SLC16A7: variants seen among roughly 807,000 people sequenced by gnomAD.
SLC16A7 encodes solute carrier family 16 member 7.
SLC16A7 carries 33 observed loss-of-function variants against 34.9 expected under a neutral mutation model. That is an observed-to-expected ratio of 0.94 (90% confidence interval 0.72 to 1.26). The LOEUF (loss-of-function observed/expected upper bound fraction) is 1.26. Ranked by LOEUF, SLC16A7 falls within the 50% of genes most tolerant of loss-of-function variation. The pLI, the probability that SLC16A7 is intolerant of heterozygous loss-of-function variation, is 0.00. For synonymous variants in SLC16A7, 201 were observed against 206.6 expected, an observed-to-expected ratio of 0.97 and a Z score of 0.23; for missense variants, 573 against 578.1, an observed-to-expected ratio of 0.99 and a Z score of 0.09.
At chr12:59,619,354 C>T (rs960988175) in intron 1 of SLC16A7, among the ~76,000 whole-genome samples, 2 of 152,010 alleles carry the variant, frequency 1.3e-5, no homozygotes, top group Non-Finnish European at 2.9e-5. Context: ...CTTACTGAAT[C>T]CATGAAAAGT....
At chr12:59,611,310 A>C (rs1042164643) in intron 1 of SLC16A7, among the ~76,000 whole-genome samples, 6 of 152,242 alleles carry the variant, frequency 3.9e-5, no homozygotes, top group African/African-American at 1.4e-4. Context: ...AGCAGGAGAG[A>C]GAAATGAGTG....
At chr12:59,598,499 C>A (rs1003047289) in intron 1 of SLC16A7, among the ~76,000 whole-genome samples, 2 of 148,592 alleles carry the variant, frequency 1.3e-5, no homozygotes, top group South Asian at 4.2e-4. Context: ...CATTTTTTTT[C>A]TCCTCTTGAT....
Position 59,710,018 on chromosome 12 carries a change from A to T in SLC16A7, c.217+5000A>T, listed in dbSNP as rs796316132. Among the ~76,000 whole-genome samples the T allele has an allele frequency of 2.0e-5, 3 of 151,806 alleles. 1 individual carries two copies. The highest frequency in any genetic ancestry group is 7.3e-5 in the African/African-American group (3 of 41,104). On this transcript the variant is annotated intron_variant, in intron 3 of 5. Transcript: ENST00000547379. Reference sequence around the variant, plus strand: ...CATTACAAACATGAGGGCTTGGTTTATTGTGTAACAACAATATAAGTTATA... The same window carrying T: ...CATTACAAACATGAGGGCTTGGTTTTTTGTGTAACAACAATATAAGTTATA...
Position 59,779,971 on chromosome 12 carries a change from T to G in SLC16A7, c.*292T>G, listed in dbSNP as rs978428485. ...TAATTTTAAAGTCTTCCAGTGACTT[T>G]CGGTCTTGGTTATATGGAGAATTCT... is the stretch of plus-strand genomic sequence containing the variant. On this transcript the variant is annotated 3_prime_UTR_variant, in exon 6 of 6. Coordinates refer to ENST00000547379, the MANE Select transcript of SLC16A7 (RefSeq NM_001270623.2). The G allele has an allele frequency of 7.9e-6, 2 of 253,604 alleles. No individual in the cohort carries two copies. Among genetic ancestry groups the G allele is most frequent in the African/African-American group, 2.3e-5 (1 of 43,760 alleles). The allele number at this position is 253,604 out of a possible 1,614,324, so 15.7% of individuals were successfully genotyped here.
chr12:59,665,890 A>G (rs538378377), intron 2 of SLC16A7, among the ~76,000 whole-genome samples: 13 of 151,094 alleles, frequency 8.6e-5, no homozygotes, highest in Admixed American at 2.6e-4. Context: ...GACCTTTGTT[A>G]TCTTTATTCG....
intron 2 of SLC16A7, among the ~76,000 whole-genome samples, chr12:59,670,115 T>G (rs1205646378): frequency 6.6e-6 from 1 of 152,220 alleles, no homozygotes; most frequent in Non-Finnish European, 1.5e-5. Flanking sequence ...CCTTGCCTCT[T>G]CCAGCTTCTG....
intron 1 of SLC16A7, among the ~76,000 whole-genome samples, chr12:59,646,052 T>C (rs1338211712): frequency 6.6e-6 from 1 of 152,130 alleles, no homozygotes; most frequent in African/African-American, 2.4e-5. Context: ...AAGTAGAGCA[T>C]AAAAGTTTGG....
chr12:59,700,499 A>C lies in SLC16A7; in HGVS notation c.-30-4273A>C, dbSNP rs367877445. 3.9e-4 allele frequency among the ~76,000 whole-genome samples: 58 copies of C among 149,094 alleles called. No homozygotes were observed. The East Asian group carries it at 0.01, about 26-fold the overall frequency. On this transcript the variant is annotated intron_variant, in intron 2 of 5. Transcript: ENST00000547379. ...GAAATATTAATAATTGTATTAAATAATTATTTAATTATTAATTATTAAGAA... is the reference window on the plus strand; with the variant it reads ...GAAATATTAATAATTGTATTAAATACTTATTTAATTATTAATTATTAAGAA...
At chr12:59,720,189 A>T in intron 3 of SLC16A7, 2 of 662,408 alleles carry the variant, frequency 3.0e-6, no homozygotes, top group Non-Finnish European at 5.4e-6. Flanking sequence ...TCCAGTTTGG[A>T]ATCTTCCTAA....
chr12:59,619,524 C>A (rs1248044876), intron 1 of SLC16A7, among the ~76,000 whole-genome samples: 1 of 151,986 alleles, frequency 6.6e-6, no homozygotes, highest in Non-Finnish European at 1.5e-5. Context: ...GTGTCATTTA[C>A]ATGTTTATAA....
chr12:59,661,044 C>T lies in SLC16A7; in HGVS notation c.-31+5794C>T, dbSNP rs564538630. Among the ~76,000 whole-genome samples, 7 of 152,164 alleles carry T rather than the reference C, an allele frequency of 4.6e-5. No individual in the cohort carries two copies. The South Asian group carries it at 1.5e-3, about 32-fold the overall frequency. ...GGAAACTACATACCCGATCATATTA[C>T]ATTTTATAACATATTCTCTGTTATT... On this transcript the variant is annotated intron_variant, in intron 2 of 5. Transcript: ENST00000547379.
intron 3 of SLC16A7, among the ~76,000 whole-genome samples, chr12:59,749,585 C>T (rs141733869): frequency 2.9e-4 from 44 of 152,218 alleles, no homozygotes; most frequent in East Asian, 1.5e-3. Flanking sequence ...AAATGGTCAA[C>T]GCTGTGGAAG....
chr12:59,756,088 C>A (rs147235524), intron 3 of SLC16A7, among the ~76,000 whole-genome samples: 9 of 152,064 alleles, frequency 5.9e-5, no homozygotes, highest in African/African-American at 2.2e-4. Context: ...CTTCCTTACA[C>A]CTTATACAAA....
Position 59,787,404 on chromosome 12 carries a change from A to C in SLC16A7, c.*7725A>C, listed in dbSNP as rs958836836. 6.6e-6 allele frequency: 1 copy of C among 152,204 alleles called. No homozygotes were observed. Among genetic ancestry groups the C allele is most frequent in the Non-Finnish European group, 1.5e-5 (1 of 68,040 alleles). 9.4% of individuals were successfully genotyped at this position (152,204 alleles called of 1,614,324 possible). On this transcript the variant is annotated 3_prime_UTR_variant, in exon 6 of 6. Transcript: ENST00000547379. ...CACCTAATAAACAATACTAAAATCC[A>C]TAACAGCTGTCTGGCAACAGTGTAA...
intron 1 of SLC16A7, among the ~76,000 whole-genome samples, chr12:59,603,870 G>T (rs952120868): frequency 6.6e-6 from 1 of 152,106 alleles, no homozygotes; most frequent in Non-Finnish European, 1.5e-5. Context: ...TACACACTGA[G>T]GCAGACTGTT....
At chr12:59,775,941 C>T (rs1186529134) in intron 5 of SLC16A7, among the ~76,000 whole-genome samples, 1 of 152,066 alleles carries the variant, frequency 6.6e-6, no homozygotes, top group South Asian at 2.1e-4. Context: ...TGAGAAAATA[C>T]ATTTATAATA....
chr12:59,734,573 C>T (rs1224680331), intron 3 of SLC16A7, among the ~76,000 whole-genome samples: 2 of 152,206 alleles, frequency 1.3e-5, no homozygotes, highest in Admixed American at 6.5e-5. Context: ...TGGTAGGGGG[C>T]AGGGCTGCCA....
intron 3 of SLC16A7, among the ~76,000 whole-genome samples, chr12:59,724,701 A>G (rs558577489): frequency 2.0e-5 from 3 of 152,190 alleles, no homozygotes; most frequent in Admixed American, 1.3e-4. Flanking sequence ...CTTTGTATTT[A>G]ATTTTACAGA....
chr12:59,653,999 T>C (rs1317645544), intron 1 of SLC16A7, among the ~76,000 whole-genome samples: 1 of 151,632 alleles, frequency 6.6e-6, no homozygotes, highest in African/African-American at 2.4e-5. Context: ...TTTGTATACT[T>C]AAACTTATTT....
Sources: gnomAD v4.1 joint callset for allele counts (sites outside exome capture counted in the v4.1 genomes callset) on GRCh38, gnomAD v4.1.1 for gene constraint, MANE v1.5 for transcripts, NCBI Gene and HGNC (gene_info 2026-07-23, HGNC 2026-07-21) for gene names.